TNPO1: variants seen among roughly 807,000 people sequenced by gnomAD.
TNPO1 encodes the protein transportin-1.
TNPO1 carries 8 observed loss-of-function variants against 119.5 expected under a neutral mutation model. The ratio of observed to expected loss-of-function variants is 0.07; its 90% confidence interval spans 0.04 to 0.12. The LOEUF (loss-of-function observed/expected upper bound fraction) is 0.12, where lower values mean the gene tolerates loss of function less well. Ranked by LOEUF, TNPO1 falls within the 10% of genes least tolerant of loss-of-function variation. TNPO1 has a pLI of 1.00. For missense variants in TNPO1, 576 were observed against 1,089.8 expected (o/e 0.53, Z 6.64); for synonymous variants, 362 against 363.0 (o/e 1.00, Z 0.03).
At chr5:72,863,646 A>T (rs1026855629) in intron 5 of TNPO1, among the ~76,000 whole-genome samples, 1 of 152,030 alleles carries the variant, frequency 6.6e-6, no homozygotes, top group South Asian at 2.1e-4. Context: ...CTGTAATCTC[A>T]GCTACTCTGG....
intron 9 of TNPO1, among the ~76,000 whole-genome samples, chr5:72,877,547 C>T (rs1404809583): frequency 6.6e-6 from 1 of 152,040 alleles, no homozygotes; most frequent in African/African-American, 2.4e-5. Flanking sequence ...ATGGTTTGTT[C>T]TAAATTATAA....
chr5:72,848,220 G>T, intron 1 of TNPO1, 165 bp from the exon 2 acceptor site: 1 of 1,254,430 alleles, frequency 8.0e-7, no homozygotes. Context: ...GGGTTTCACT[G>T]TCCGTGACTT....
At chr5:72,902,288 G>A (rs981075242) in intron 22 of TNPO1, among the ~76,000 whole-genome samples, 10 of 151,992 alleles carry the variant, frequency 6.6e-5, no homozygotes, top group African/African-American at 2.4e-4. Flanking sequence ...TTCCTAGCTC[G>A]TATTGTGGTT....
intron 20 of TNPO1, among the ~76,000 whole-genome samples, chr5:72,898,372 A>G (rs952521932): frequency 6.6e-6 from 1 of 152,144 alleles, no homozygotes; most frequent in Non-Finnish European, 1.5e-5. Context: ...GGCTTTATTT[A>G]TAAGATTATA....
At chr5:72,861,011 C>G (rs1580411005) in intron 4 of TNPO1, among the ~76,000 whole-genome samples, 1 of 151,788 alleles carries the variant, frequency 6.6e-6, no homozygotes, top group African/African-American at 2.4e-5. Context: ...CTCCCGGGTT[C>G]AAGCGATTCT....
rs541113688 is a variant in TNPO1, at chr5:72,864,844, G to C, written c.463-752G>C. ...GGCTGGTCTTGAACTCCTGACCTCAGGTAATCCACCCGCGTCGGCCTCCCA... is the reference window on the plus strand; with the variant it reads ...GGCTGGTCTTGAACTCCTGACCTCACGTAATCCACCCGCGTCGGCCTCCCA... On this transcript the variant is annotated intron_variant, in intron 5 of 24. Coordinates refer to ENST00000337273, the MANE Select transcript of TNPO1 (RefSeq NM_002270.4). 2.8e-3 allele frequency among the ~76,000 whole-genome samples: 421 copies of C among 151,938 alleles called. 1 individual carries two copies. Among genetic ancestry groups the C allele is most frequent in the Non-Finnish European group, 4.7e-3 (319 of 67,952 alleles).
intron 23 of TNPO1, 143 bp from the exon 24 acceptor site, chr5:72,905,160 T>A: frequency 1.6e-6 from 1 of 620,196 alleles, no homozygotes; most frequent in East Asian, 2.8e-5. Flanking sequence ...CAGGGAATGG[T>A]GTAGAATCCT....
intron 10 of TNPO1, among the ~76,000 whole-genome samples, 153 bp downstream of exon 10, chr5:72,882,680 T>C (rs1401714894): frequency 6.6e-6 from 1 of 152,126 alleles, no homozygotes; most frequent in East Asian, 1.9e-4. Flanking sequence ...GTTTAAGTAA[T>C]GATAAATTCT....
intron 6 of TNPO1, among the ~76,000 whole-genome samples, chr5:72,869,157 G>T (rs1035571252): frequency 6.6e-6 from 1 of 151,934 alleles, no homozygotes; most frequent in South Asian, 2.1e-4. Context: ...TTTGGGTAAC[G>T]TTACTCCTAT....
chr5:72,840,825 TTTCTGTG>T (rs1744879673), intron 1 of TNPO1, among the ~76,000 whole-genome samples: 1 of 152,190 alleles, frequency 6.6e-6, no homozygotes, highest in South Asian at 2.1e-4. Flanking sequence ...TATTTTCCAT[TTTCTGTG>T]TTCTGTTAAT....
rs771417325 is a variant in TNPO1, at chr5:72,911,757, C to G, written c.*3084C>G. 6.6e-6 allele frequency: 1 copy of G among 152,454 alleles called. No individual in the cohort carries two copies. The highest frequency in any genetic ancestry group is 1.5e-5 in the Non-Finnish European group (1 of 67,942). 9.4% of individuals were successfully genotyped at this position (152,454 alleles called of 1,614,324 possible). A position where few individuals can be genotyped will look rare whatever the true frequency, so the allele number is the denominator to read the frequency against. ...TAGTGTGCTCAACTACAGAAATAGC[C>G]GCTGCTAAGTGATGTAGATTTTCTA... On this transcript the variant is annotated 3_prime_UTR_variant, in exon 25 of 25. Coordinates refer to ENST00000337273, the MANE Select transcript of TNPO1 (RefSeq NM_002270.4).
chr5:72,879,126 G>A (rs1370738807), intron 9 of TNPO1: 5 of 204,640 alleles, frequency 2.4e-5, no homozygotes, highest in East Asian at 2.5e-4. Context: ...GTTTCCTTTG[G>A]TTCTGGAGAC....
At chr5:72,848,280 TGTG>T in intron 1 of TNPO1, 102 bp from the exon 2 acceptor site, 1 of 1,334,108 alleles carries the variant, frequency 7.5e-7, no homozygotes, top group Non-Finnish European at 9.7e-7. Context: ...GCGCTGGGGT[TGTG>T]GTGGCGGGGA....
chr5:72,884,805 G>A (rs538500806), intron 11 of TNPO1, among the ~76,000 whole-genome samples: 25 of 151,752 alleles, frequency 1.6e-4, no homozygotes, highest in African/African-American at 4.6e-4. Context: ...TCTTTGTTGC[G>A]GAGGCTGTCC....
chr5:72,884,330 T>C (rs1400703612), intron 11 of TNPO1, among the ~76,000 whole-genome samples: 4 of 152,238 alleles, frequency 2.6e-5, no homozygotes, highest in Non-Finnish European at 5.9e-5. Flanking sequence ...TTTATCATTA[T>C]TATATTCTTA....
At chr5:72,874,071 C>T (rs1005245239) in intron 7 of TNPO1, among the ~76,000 whole-genome samples, 3 of 152,004 alleles carry the variant, frequency 2.0e-5, no homozygotes, top group South Asian at 4.2e-4. Context: ...TTTCATAGGA[C>T]GGTACTCAGC....
intron 5 of TNPO1, among the ~76,000 whole-genome samples, chr5:72,864,769 C>T (rs1163227677): frequency 2.0e-5 from 3 of 151,996 alleles, no homozygotes; most frequent in African/African-American, 7.2e-5. Context: ...CCACCACGCC[C>T]AGCTAATTTT....
intron 1 of TNPO1, among the ~76,000 whole-genome samples, chr5:72,817,496 TAA>T (rs1036791853): frequency 3.3e-5 from 5 of 152,210 alleles, no homozygotes; most frequent in African/African-American, 1.2e-4. Flanking sequence ...TTACTGATTT[TAA>T]AAATCAACTG....
intron 1 of TNPO1, among the ~76,000 whole-genome samples, chr5:72,839,318 A>G (rs957631632): frequency 3.9e-5 from 6 of 152,196 alleles, no homozygotes; most frequent in Non-Finnish European, 7.4e-5. Flanking sequence ...AGAAAGATCT[A>G]GTTACTCATA....
Sources: allele counts gnomAD v4.1 joint callset (sites outside exome capture counted in the v4.1 genomes callset), GRCh38; gene constraint gnomAD v4.1.1; transcripts MANE v1.5; gene names NCBI Gene and HGNC (gene_info 2026-07-23, HGNC 2026-07-21).